The following GPHN variants were observed in gnomAD, a reference collection of about 807,000 sequenced individuals.
The protein encoded by GPHN is gephyrin.
A neutral mutation model predicts 95.5 loss-of-function variants in GPHN; 17 were observed. The observed-to-expected ratio is 0.18, with a 90% CI of 0.12 to 0.27. The LOEUF (loss-of-function observed/expected upper bound fraction) is 0.27, where lower values mean the gene tolerates loss of function less well. GPHN is among the 10% of genes least tolerant of loss of function. The pLI, the probability that GPHN is intolerant of heterozygous loss-of-function variation, is 1.00. For missense variants in GPHN, 660 were observed against 978.1 expected (o/e 0.67, Z 4.34); for synonymous variants, 320 against 322.5 (o/e 0.99, Z 0.08).
the GPHN span, among the ~76,000 whole-genome samples, chr14:67,532,870 G>A: frequency 2.7e-4 from 41 of 152,326 alleles, no homozygotes; most frequent in Admixed American, 2.2e-3. Context: ...GTCTGGTCTT[G>A]TCCCGCAGCC....
intron 3 of GPHN, among the ~76,000 whole-genome samples, chr14:66,817,588 T>A (rs1446280991): frequency 1.3e-5 from 2 of 152,114 alleles, no homozygotes; most frequent in African/African-American, 4.8e-5. Context: ...GCTTTCTGAG[T>A]GGGAATATTT....
At chr14:67,245,431 T>C in the GPHN span, among the ~76,000 whole-genome samples, 1 of 152,224 alleles carries the variant, frequency 6.6e-6, no homozygotes, top group Admixed American at 6.5e-5. Flanking sequence ...TTGCCATCTG[T>C]TTATCTTTGG....
chr14:67,380,598 G>A, the GPHN span: 2 of 907,302 alleles, frequency 2.2e-6, no homozygotes, highest in Admixed American at 2.8e-5. Flanking sequence ...ATAGTGTTTG[G>A]TTTCACATTT....
chr14:67,572,526 T>C, the GPHN span, among the ~76,000 whole-genome samples: 1 of 152,302 alleles, frequency 6.6e-6, no homozygotes, highest in South Asian at 2.1e-4. Context: ...GAGAGCCTAC[T>C]GTGGCCCACC....
At chr14:66,606,820 T>C (rs929834584) in intron 1 of GPHN, among the ~76,000 whole-genome samples, 1 of 151,954 alleles carries the variant, frequency 6.6e-6, no homozygotes, top group African/African-American at 2.4e-5. Flanking sequence ...GTATCCTTAT[T>C]TATCAGTTCC....
chr14:66,760,165 T>G (rs1286301310), intron 2 of GPHN, among the ~76,000 whole-genome samples: 2 of 152,198 alleles, frequency 1.3e-5, no homozygotes, highest in African/African-American at 4.8e-5. Flanking sequence ...ATACAATTAC[T>G]ATATGTGTTT....
chr14:66,936,272 G>A (rs1225767485), intron 8 of GPHN, among the ~76,000 whole-genome samples: 1 of 151,984 alleles, frequency 6.6e-6, no homozygotes, highest in African/African-American at 2.4e-5. Context: ...CCAGCTACTC[G>A]GGAGGCTGAG....
chr14:67,397,815 G>A, the GPHN span: 1 of 1,610,942 alleles, frequency 6.2e-7, no homozygotes, highest in Non-Finnish European at 8.5e-7. Context: ...TCCAGTTGTG[G>A]ACAATGTGGC....
At chr14:67,682,342 A>G in the GPHN span, among the ~76,000 whole-genome samples, 1 of 152,228 alleles carries the variant, frequency 6.6e-6, no homozygotes, top group Admixed American at 6.5e-5. Flanking sequence ...GAATGAGAGA[A>G]TATTTGCAAA....
At chr14:67,540,706 A>C in the GPHN span, among the ~76,000 whole-genome samples, 1 of 152,006 alleles carries the variant, frequency 6.6e-6, no homozygotes, top group Admixed American at 6.6e-5. Context: ...ACCATGTGTC[A>C]TGGTTTGGGA....
At chr14:67,281,034 G>C in the GPHN span, among the ~76,000 whole-genome samples, 1 of 151,738 alleles carries the variant, frequency 6.6e-6, no homozygotes, top group Non-Finnish European at 1.5e-5. Context: ...GAGTGGCTGG[G>C]ATTACAGGCA....
At chr14:66,654,691 A>T (rs1402261462) in intron 1 of GPHN, among the ~76,000 whole-genome samples, 5 of 152,142 alleles carry the variant, frequency 3.3e-5, no homozygotes, top group Non-Finnish European at 7.3e-5. Context: ...CCTTTTATGG[A>T]TGGTGCTTTT....
In GPHN at chr14:66,772,532, A is replaced by G. The variant is rs571032619; in HGVS notation, c.144-3932A>G. ...AGCCTTAAAAGCAGAGAGAAGGGCA[A>G]AAGAGGAAGTCAGAGAGATTGGAAA... On this transcript the variant is annotated intron_variant, in intron 2 of 22. Coordinates refer to ENST00000478722, the MANE Select transcript of GPHN (RefSeq NM_020806.5). 8.5e-5 allele frequency among the ~76,000 whole-genome samples: 13 copies of G among 152,352 alleles called. No individual in the cohort carries two copies. In the East Asian group the frequency reaches 2.3e-3, roughly 27 times the overall value.
At chr14:67,407,958 T>A in the GPHN span, among the ~76,000 whole-genome samples, 2 of 152,074 alleles carry the variant, frequency 1.3e-5, no homozygotes, top group Non-Finnish European at 2.9e-5. Context: ...TGCTCCAGCC[T>A]GGGTAACATA....
chr14:67,451,849 G>A, the GPHN span, among the ~76,000 whole-genome samples: 4 of 152,150 alleles, frequency 2.6e-5, no homozygotes, highest in Non-Finnish European at 4.4e-5. Flanking sequence ...TAGGAGATTC[G>A]GGAGGGGCCA....
chr14:67,042,996 G>A (rs2074793697), intron 10 of GPHN, among the ~76,000 whole-genome samples: 1 of 152,136 alleles, frequency 6.6e-6, no homozygotes, highest in South Asian at 2.1e-4. Flanking sequence ...TGTAGCAGTT[G>A]TGAATGGGAG....
chr14:67,095,583 G>GGAAT (rs2077331630), intron 12 of GPHN, among the ~76,000 whole-genome samples: 1 of 151,766 alleles, frequency 6.6e-6, no homozygotes, highest in African/African-American at 2.4e-5. Context: ...TATACACCAT[G>GGAAT]GAATACTATG....
At chr14:67,620,931 G>C in the GPHN span, 7 of 1,614,176 alleles carry the variant, frequency 4.3e-6, no homozygotes, top group Non-Finnish European at 5.9e-6. Context: ...GCTGCCATAA[G>C]AGAAGCTGGC....
At chr14:67,202,098 C>T in the GPHN span, among the ~76,000 whole-genome samples, 210 of 152,230 alleles carry the variant, frequency 1.4e-3, no homozygotes, top group African/African-American at 4.8e-3. Context: ...TCGATTGGTA[C>T]GTGTTCAGGA....
Sources: allele counts gnomAD v4.1 joint callset (sites outside exome capture counted in the v4.1 genomes callset), GRCh38; gene constraint gnomAD v4.1.1; transcripts MANE v1.5; gene names NCBI Gene and HGNC (gene_info 2026-07-23, HGNC 2026-07-21).